LINGO2: variants seen among roughly 807,000 people sequenced by gnomAD.
LINGO2 encodes the protein leucine-rich repeat and immunoglobulin-like domain-containing nogo receptor-interacting protein 2.
Under a neutral mutation model 30.6 loss-of-function variants are expected in LINGO2, and 14 were observed. The observed-to-expected ratio is 0.46, with a 90% CI of 0.30 to 0.72. The LOEUF is 0.72. Ranked by LOEUF, LINGO2 falls within the 30% of genes least tolerant of loss-of-function variation. The probability of loss-of-function intolerance (pLI) is 0.07; values close to 1 mark genes in which losing one functional copy is unlikely to be tolerated. For missense variants in LINGO2, 729 were observed against 751.7 expected (o/e 0.97, Z 0.35); for synonymous variants, 317 against 288.5 (o/e 1.10, Z -1.00).
the LINGO2 span, among the ~76,000 whole-genome samples, chr9:28,720,057 C>T: frequency 6.6e-6 from 1 of 152,012 alleles, no homozygotes; most frequent in African/African-American, 2.4e-5. Context: ...TCATCTTTCA[C>T]ATTGTAGCTG....
chr9:28,520,255 G>A (rs1311966215), intron 1 of LINGO2, among the ~76,000 whole-genome samples: 1 of 152,050 alleles, frequency 6.6e-6, no homozygotes, highest in Non-Finnish European at 1.5e-5. Flanking sequence ...GACTTTAAGA[G>A]TACTTCTAAA....
chr9:28,181,679 A>G (rs1819334058), intron 4 of LINGO2, among the ~76,000 whole-genome samples: 1 of 152,146 alleles, frequency 6.6e-6, no homozygotes, highest in South Asian at 2.1e-4. Context: ...GACTGTTTAG[A>G]TTTCTCTGAC....
At chr9:28,193,903 G>A (rs898996708) in intron 4 of LINGO2, among the ~76,000 whole-genome samples, 3 of 152,158 alleles carry the variant, frequency 2.0e-5, no homozygotes, top group Non-Finnish European at 2.9e-5. Context: ...CTTTACAGAG[G>A]GACAGTCTCC....
chr9:28,481,554 C>T (rs1052047939), intron 1 of LINGO2, among the ~76,000 whole-genome samples: 4 of 151,988 alleles, frequency 2.6e-5, no homozygotes, highest in African/African-American at 9.7e-5. Context: ...AATGCTAACT[C>T]CCTCTATTAC....
At chr9:29,187,617 A>G in the LINGO2 span, among the ~76,000 whole-genome samples, 2 of 152,134 alleles carry the variant, frequency 1.3e-5, no homozygotes, top group Non-Finnish European at 2.9e-5. Flanking sequence ...ATAACTTTGC[A>G]TTATATTGTT....
chr9:29,054,362 A>G, the LINGO2 span, among the ~76,000 whole-genome samples: 1 of 152,216 alleles, frequency 6.6e-6, no homozygotes, highest in East Asian at 1.9e-4. Flanking sequence ...TCTTAAGTGA[A>G]TAATGGTATT....
chr9:28,770,085 G>A, the LINGO2 span, among the ~76,000 whole-genome samples: 1 of 151,646 alleles, frequency 6.6e-6, no homozygotes, highest in East Asian at 1.9e-4. Flanking sequence ...TCATTTTTTC[G>A]GTCCAGTTCT....
chr9:29,075,461 T>G, the LINGO2 span, among the ~76,000 whole-genome samples: 28,249 of 152,046 alleles, frequency 0.19, 2,686 homozygotes, highest in South Asian at 0.23. Flanking sequence ...TTTTTTTAAT[T>G]TGGTACTAAT....
chr9:28,373,602 T>A (rs1387699696), intron 2 of LINGO2, among the ~76,000 whole-genome samples: 3 of 152,128 alleles, frequency 2.0e-5, no homozygotes, highest in African/African-American at 4.8e-5. Context: ...ATGTTGGGAT[T>A]TAAGATATGG....
intron 5 of LINGO2, among the ~76,000 whole-genome samples, chr9:28,003,601 A>G (rs906802990): frequency 6.6e-6 from 1 of 152,146 alleles, no homozygotes; most frequent in Non-Finnish European, 1.5e-5. Context: ...AGCTGGGACT[A>G]CAGGCGCCTG....
At chr9:28,123,771 T>G (rs1374652403) in intron 4 of LINGO2, among the ~76,000 whole-genome samples, 1 of 152,002 alleles carries the variant, frequency 6.6e-6, no homozygotes, top group Admixed American at 6.6e-5. Context: ...TCACACTATT[T>G]TCCTGCCTCA....
At chr9:28,804,946 AC>A in the LINGO2 span, among the ~76,000 whole-genome samples, 5 of 152,134 alleles carry the variant, frequency 3.3e-5, 1 homozygote, top group African/African-American at 1.2e-4. Flanking sequence ...ATATGAAAGC[AC>A]CTAAGGAAAA....
the LINGO2 span, among the ~76,000 whole-genome samples, chr9:29,073,373 T>C: frequency 6.6e-6 from 1 of 152,090 alleles, no homozygotes; most frequent in East Asian, 1.9e-4. Context: ...AACAGGTACA[T>C]CTCACTGCCT....
intron 2 of LINGO2, among the ~76,000 whole-genome samples, chr9:28,402,582 C>T (rs1435702164): frequency 6.6e-6 from 1 of 151,740 alleles, no homozygotes; most frequent in Non-Finnish European, 1.5e-5. Context: ...CTTCCCTCTC[C>T]CTCCTTCCCT....
exon 6 of LINGO2, chr9:27,948,827 G>A (rs1377051338): frequency 2.0e-5 from 31 of 1,583,620 alleles, no homozygotes; most frequent in Non-Finnish European, 2.7e-5. Context: ...TTGACAAAGA[G>A]ACAGTAATGT....
intron 2 of LINGO2, among the ~76,000 whole-genome samples, chr9:28,400,574 G>T (rs578150381): frequency 2.0e-5 from 3 of 152,276 alleles, no homozygotes; most frequent in Admixed American, 1.3e-4. Context: ...ATGTAAAAGT[G>T]CCTTGTAAAA....
At chr9:28,543,224 A>G (rs1453705814) in intron 1 of LINGO2, among the ~76,000 whole-genome samples, 5 of 152,134 alleles carry the variant, frequency 3.3e-5, no homozygotes, top group Admixed American at 6.6e-5. Flanking sequence ...TTACAAGTTG[A>G]TCAGTCCAAT....
chr9:29,032,946 A>G, the LINGO2 span, among the ~76,000 whole-genome samples: 2 of 152,122 alleles, frequency 1.3e-5, no homozygotes, highest in African/African-American at 4.8e-5. Context: ...AACTAAGCCT[A>G]ATTAAACCAA....
chr9:28,372,106 A>C (rs144176631), intron 3 of LINGO2, among the ~76,000 whole-genome samples: 383 of 152,274 alleles, frequency 2.5e-3, no homozygotes, highest in Middle Eastern at 0.014. Flanking sequence ...TGGAGTGAAA[A>C]ATTATTAATA....
Sources: gnomAD v4.1 joint callset for allele counts (sites outside exome capture counted in the v4.1 genomes callset) on GRCh38, gnomAD v4.1.1 for gene constraint, MANE v1.5 for transcripts, NCBI Gene and HGNC (gene_info 2026-07-23, HGNC 2026-07-21) for gene names.